Variants in SHQ1 observed in about 807,000 individuals in gnomAD.
SHQ1 encodes the protein SHQ1, H/ACA ribonucleoprotein assembly factor.
Under a neutral mutation model 53.8 loss-of-function variants are expected in SHQ1, and 49 were observed. The ratio of observed to expected loss-of-function variants is 0.91; its 90% CI spans 0.72 to 1.16. The LOEUF is 1.16. SHQ1 is among the 50% of genes most tolerant of loss of function. The pLI, the probability that SHQ1 is intolerant of heterozygous loss-of-function variation, is 0.00. For missense variants in SHQ1, 738 were observed against 683.1 expected (o/e 1.08, Z -0.90); for synonymous variants, 243 against 251.0 (o/e 0.97, Z 0.30).
chr3:72,750,086 T>C lies in SHQ1; in HGVS notation c.*198A>G. On this transcript the variant is annotated 3_prime_UTR_variant, in exon 11 of 11. Transcript: ENST00000325599. ...AGAATAATAACAAGAAAAAAGTCTG[T>C]ACATGTTTGGTACAGATGCGATTTT... 1 of 573,362 alleles carries C rather than the reference T, an allele frequency of 1.7e-6. No homozygotes were observed. Among genetic ancestry groups the C allele is most frequent in the Non-Finnish European group, 3.1e-6 (1 of 326,978 alleles). The allele number at this position is 573,362 out of a possible 1,614,324, so 35.5% of individuals were successfully genotyped here.
intron 10 of SHQ1, among the ~76,000 whole-genome samples, chr3:72,777,091 G>C (rs1048445647): frequency 6.6e-6 from 1 of 152,034 alleles, no homozygotes; most frequent in Non-Finnish European, 1.5e-5. Context: ...AAATGCAAAA[G>C]AATAAAAAAT....
intron 9 of SHQ1, among the ~76,000 whole-genome samples, chr3:72,802,631 C>T (rs546721515): frequency 7.9e-5 from 12 of 152,146 alleles, no homozygotes; most frequent in Admixed American, 4.6e-4. Context: ...CTTCTACTTT[C>T]TCAGGGAATA....
the SHQ1 span, among the ~76,000 whole-genome samples, chr3:72,732,227 C>T: frequency 6.6e-6 from 1 of 151,436 alleles, no homozygotes; most frequent in Non-Finnish European, 1.5e-5. Context: ...CTTGGAGGTG[C>T]CCTGGGCAGC....
At chr3:72,817,083 C>T (rs1176403098) in intron 7 of SHQ1, 147 bp downstream of exon 7, 4 of 745,872 alleles carry the variant, frequency 5.4e-6, no homozygotes, top group Admixed American at 6.2e-5. Flanking sequence ...TACCCACCAC[C>T]ACCACCACAC....
intron 5 of SHQ1, among the ~76,000 whole-genome samples, chr3:72,827,688 TTC>T (rs1707700673): frequency 6.6e-6 from 1 of 152,120 alleles, no homozygotes; most frequent in African/African-American, 2.4e-5. Context: ...TGTTTTACTT[TTC>T]ATAATAAATT....
chr3:72,809,423 A>C (rs1707051206), intron 9 of SHQ1, among the ~76,000 whole-genome samples: 1 of 152,116 alleles, frequency 6.6e-6, no homozygotes, highest in African/African-American at 2.4e-5. Context: ...TATATAGGAT[A>C]TATATTCCAT....
In SHQ1 at chr3:72,817,929, G is replaced by A. The variant is rs955335887; in HGVS notation, c.728-545C>T. Among the ~76,000 whole-genome samples the A allele has an allele frequency of 4.0e-5, 6 of 151,828 alleles. No homozygotes were observed. The East Asian group carries it at 7.7e-4, about 20-fold the overall frequency. ...TTTTACATATGACCACATCACATAC[G>A]TTAGACTTGTGGGAAAAGATTGTTT... On this transcript the variant is annotated intron_variant, in intron 6 of 10. Transcript: ENST00000325599.
chr3:72,785,270 G>A (rs1290274372), intron 10 of SHQ1, among the ~76,000 whole-genome samples: 4 of 152,190 alleles, frequency 2.6e-5, no homozygotes, highest in African/African-American at 7.2e-5. Flanking sequence ...TACAGTTCCA[G>A]GGGATAACCT....
chr3:72,761,579 G>C (rs889846286), intron 10 of SHQ1, among the ~76,000 whole-genome samples: 6 of 152,180 alleles, frequency 3.9e-5, no homozygotes, highest in South Asian at 2.1e-4. Flanking sequence ...AAGGACAAAG[G>C]TTCCTTGACA....
intron 10 of SHQ1, chr3:72,752,969 G>A (rs777422689): frequency 9.1e-6 from 9 of 985,078 alleles, no homozygotes; most frequent in African/African-American, 1.7e-5. Flanking sequence ...AGCCGAAGAC[G>A]CTTTTCCTCT....
Position 72,817,895 on chromosome 3 carries a change from T to TA in SHQ1, c.728-512dup, listed in dbSNP as rs567747503. The stretch of plus-strand genomic sequence containing the variant: ...TTAAAATCTCATATTGTTTACCATA[T>TA]AAATCAAGTTTTACATATGACCACA... On this transcript the variant is annotated intron_variant, in intron 6 of 10. Transcript: ENST00000325599. Among the ~76,000 whole-genome samples, 78 of 152,310 alleles carry TA rather than the reference T, an allele frequency of 5.1e-4. 3 individuals are homozygous for TA. The South Asian group carries it at 0.016, about 31-fold the overall frequency.
chr3:72,740,564 T>G, the SHQ1 span, among the ~76,000 whole-genome samples: 9 of 152,204 alleles, frequency 5.9e-5, no homozygotes, highest in African/African-American at 2.2e-4. Flanking sequence ...GGTGTCCTGT[T>G]ACGTATAAGA....
intron 10 of SHQ1, among the ~76,000 whole-genome samples, 171 bp downstream of exon 10, chr3:72,792,745 A>G (rs1706477503): frequency 6.9e-6 from 1 of 145,680 alleles, no homozygotes; most frequent in Non-Finnish European, 1.5e-5. Context: ...GATCACACCA[A>G]TGCACTCCAG....
At chr3:72,735,147 C>T in the SHQ1 span, among the ~76,000 whole-genome samples, 2 of 151,826 alleles carry the variant, frequency 1.3e-5, no homozygotes, top group Non-Finnish European at 1.5e-5. Flanking sequence ...AGCTGCTCTC[C>T]TTTAGAGCCT....
chr3:72,750,507 A>G lies in SHQ1; in HGVS notation c.1511T>C (p.Ile504Thr). ...PFLEESSAFL[I>T]VDGGVRRNTA... ...GTTTCTGCGTACTCCACCATCAACA[A>G]TAAGAAAGGCACTGCTTTCTTCAAG... The change falls in exon 11 of 11, where the codon ATT becomes ACT. Residue 504 changes from isoleucine to threonine, a missense_variant. Transcript: ENST00000325599. The G allele has an allele frequency of 6.2e-7, 1 of 1,614,202 alleles. No homozygotes were observed. Among genetic ancestry groups the G allele is most frequent in the Non-Finnish European group, 8.5e-7 (1 of 1,180,028 alleles).
intron 10 of SHQ1, among the ~76,000 whole-genome samples, chr3:72,781,013 TA>T (rs1055071446): frequency 8.6e-5 from 13 of 151,486 alleles, no homozygotes; most frequent in Middle Eastern, 3.5e-3. Flanking sequence ...GCAAATAAAG[TA>T]AAAAGTATGG....
chr3:72,790,650 C>A (rs2106788518), intron 10 of SHQ1, among the ~76,000 whole-genome samples: 1 of 152,140 alleles, frequency 6.6e-6, no homozygotes, highest in African/African-American at 2.4e-5. Flanking sequence ...CTAGAAAGCT[C>A]AATCATGTTG....
intron 9 of SHQ1, among the ~76,000 whole-genome samples, chr3:72,810,269 A>G (rs1707077910): frequency 6.6e-6 from 1 of 152,212 alleles, no homozygotes; most frequent in Non-Finnish European, 1.5e-5. Context: ...ATTAAACAGA[A>G]CAGCAACCTC....
At chr3:72,740,694 C>T in the SHQ1 span, among the ~76,000 whole-genome samples, 1 of 152,162 alleles carries the variant, frequency 6.6e-6, no homozygotes, top group Admixed American at 6.5e-5. Context: ...GTATGGGCAT[C>T]CATGACTGCT....
Sources: allele counts gnomAD v4.1 joint callset (sites outside exome capture counted in the v4.1 genomes callset), GRCh38; gene constraint gnomAD v4.1.1; transcripts MANE v1.5; gene names NCBI Gene and HGNC (gene_info 2026-07-23, HGNC 2026-07-21).